Variants in PHRF1 observed in about 807,000 individuals in gnomAD.
The protein encoded by PHRF1 is PHD and RING finger domain-containing protein 1.
In PHRF1, 53 loss-of-function variants were observed where a neutral mutation model predicts 128.9. That is an observed-to-expected ratio of 0.41 (90% confidence interval 0.33 to 0.52). PHRF1 has a LOEUF of 0.52. Ranked by LOEUF, PHRF1 falls within the 20% of genes least tolerant of loss-of-function variation. The pLI is 0.21. For synonymous variants in PHRF1, 1,178 were observed against 980.6 expected (o/e 1.20, Z -3.76); for missense variants, 2,503 against 2,284.5 (o/e 1.10, Z -1.95).
rs746405087 is a variant in PHRF1, at chr11:608,409, G to A, written c.2953G>A (p.Val985Met). The change falls in exon 14 of 18, where the codon GTG (valine) becomes ATG (methionine). Residue 985 changes from valine (V) to methionine (M), a missense_variant. Val to Met is a conservative substitution (Grantham distance 21). Coordinates refer to ENST00000264555, the MANE Select transcript of PHRF1 (RefSeq NM_001286581.2). ...GCTGCAGGCTGCCACCCACAGAGTC[G>A]TGGAGCTCAGGCCCCCTTCCCGGTC... ...DVLQAATHRV[V>M]ELRPPSRSRS... is the part of the protein sequence containing the mutation. 2.0e-5 allele frequency: 32 copies of A among 1,611,384 alleles called. No individual in the cohort carries two copies. The highest frequency in any genetic ancestry group is 2.4e-5 in the Non-Finnish European group (28 of 1,179,532).
In PHRF1 at chr11:608,933, G is replaced by A; in HGVS notation, c.3477G>A (p.Arg1159=). Residue 1159 remains arginine (R), a synonymous_variant, in exon 14 of 18, where the codon AGG becomes AGA. Coordinates refer to ENST00000264555, the MANE Select transcript of PHRF1 (RefSeq NM_001286581.2). ...KESVAWPRDR[R]KRRSRSPSSE... ...GTGTGGCGTGGCCCCGAGACCGGAG[G>A]AAGCGGAGGTCCCGGTCCCCAAGCT... 6.2e-7 allele frequency: 1 copy of A among 1,611,752 alleles called. No homozygotes were observed. Among genetic ancestry groups the A allele is most frequent in the Middle Eastern group, 1.7e-4 (1 of 6,056 alleles).
chr11:578,410 AG>A (rs1163994393), intron 1 of PHRF1, among the ~76,000 whole-genome samples: 2 of 152,226 alleles, frequency 1.3e-5, no homozygotes, highest in East Asian at 3.8e-4. Flanking sequence ...CAAAGGCCTC[AG>A]GACTTAGCCC....
intron 6 of PHRF1, among the ~76,000 whole-genome samples, chr11:593,598 G>T (rs375535832): frequency 4.6e-5 from 7 of 152,358 alleles, no homozygotes; most frequent in African/African-American, 1.7e-4. Context: ...TCACGCTGTT[G>T]TTGGTGCAGG....
intron 10 of PHRF1, among the ~76,000 whole-genome samples, chr11:603,729 GTTTTTTTTTTT>G (rs71022937): frequency 1.3e-5 from 1 of 78,228 alleles, no homozygotes; most frequent in East Asian, 4.0e-4. Flanking sequence ...ATTTAAGTTT[GTTTTTTTTTTT>G]TTTTTTTTTT....
intron 13 of PHRF1, 60 bp from the exon 14 acceptor site, chr11:607,006 C>T: frequency 6.6e-7 from 1 of 1,516,416 alleles, no homozygotes; most frequent in East Asian, 2.3e-5. Context: ...AAAAATTAAA[C>T]CACTGACATT....
rs112877118 is a variant in PHRF1, at chr11:607,356, G to A, written c.1900G>A (p.Gly634Ser). ...ACAGAGCCACAGCCCCTGGTTCAAC[G>A]GCACCAACAAGCACACCTTGCCCCT... is the stretch of plus-strand genomic sequence containing the variant. ...FRQSHSPWFNGTNKHTLPLAS... is the reference protein window; with the variant it reads ...FRQSHSPWFNSTNKHTLPLAS... The change falls in exon 14 of 18, where the codon GGC becomes AGC. Residue 634 changes from glycine (G) to serine (S), a missense_variant. Gly to Ser is a moderately conservative substitution (Grantham distance 56). Transcript: ENST00000264555. 2,995 of 1,612,760 alleles carry A rather than the reference G, an allele frequency of 1.9e-3. 49 individuals are homozygous for A. The African/African-American group carries it at 0.034, about 18-fold the overall frequency.
chr11:610,361 C>CT lies in PHRF1; in HGVS notation c.4416+15dup. The CT allele has an allele frequency of 6.4e-7, 1 of 1,551,810 alleles. No homozygotes were observed. Among genetic ancestry groups the CT allele is most frequent in the Non-Finnish European group, 8.7e-7 (1 of 1,147,102 alleles). ...GACCCCTCTCAGGTGGGTGTCTGGG[C>CT]TGGAGGGCTGTGGGCCGTGGGCAGT... On this transcript the variant is annotated intron_variant, in intron 15 of 17. Transcript: ENST00000264555.
At position 587,288 on chromosome 11, in the gene PHRF1, A is replaced by G. The variant is rs371808557; in HGVS notation, c.244A>G (p.Thr82Ala). The change falls in exon 4 of 18, where the codon ACA becomes GCA. Residue 82 changes from threonine to alanine, a missense_variant. Transcript: ENST00000264555. Reference sequence around the variant, plus strand: ...CGAGGATTCTGAAGACGACGGGGAGACATTGCTGGAGGTAGCGGGTACTCA... The same window carrying G: ...CGAGGATTCTGAAGACGACGGGGAGGCATTGCTGGAGGTAGCGGGTACTCA... ...GSEDSEDDGE[T>A]LLEVAGTQGK... 3 of 1,613,368 alleles carry G rather than the reference A, an allele frequency of 1.9e-6. No homozygotes were observed. Among genetic ancestry groups the G allele is most frequent in the African/African-American group, 2.7e-5 (2 of 74,890 alleles).
intron 5 of PHRF1, among the ~76,000 whole-genome samples, chr11:592,358 C>T (rs1855023164): frequency 6.6e-6 from 1 of 152,152 alleles, no homozygotes; most frequent in Admixed American, 6.6e-5. Flanking sequence ...CTGTTGAATA[C>T]TTTCCTCTTA....
chr11:583,069 G>A (rs536801824), intron 3 of PHRF1, among the ~76,000 whole-genome samples: 52 of 151,374 alleles, frequency 3.4e-4, no homozygotes, highest in African/African-American at 9.0e-4. Context: ...GTCTGGGCGC[G>A]GTGGCTCACG....
chr11:610,840 C>T lies in PHRF1; in HGVS notation c.4677+79C>T, dbSNP rs149868322. On this transcript the variant is annotated intron_variant, in intron 16 of 17. Coordinates refer to ENST00000264555, the MANE Select transcript of PHRF1 (RefSeq NM_001286581.2). The stretch of plus-strand genomic sequence containing the variant: ...AAGTTGTTGGGGCTGAGTTTATGGG[C>T]GGAAGCTGGTCGCTGTGCCTCTGGA... 1,902 of 1,581,952 alleles carry T rather than the reference C, an allele frequency of 1.2e-3. 19 individuals carry two copies. The African/African-American group carries it at 0.023, about 19-fold the overall frequency.
At chr11:583,399 C>A (rs1854337842) in intron 3 of PHRF1, among the ~76,000 whole-genome samples, 1 of 151,846 alleles carries the variant, frequency 6.6e-6, no homozygotes, top group Non-Finnish European at 1.5e-5. Flanking sequence ...TGCCTGTAAT[C>A]CCCACTACTC....
chr11:605,493 G>A (rs1157256028), intron 11 of PHRF1, 112 bp from the exon 12 acceptor site: 9 of 1,519,178 alleles, frequency 5.9e-6, no homozygotes, highest in African/African-American at 5.5e-5. Context: ...CGAATCACAC[G>A]TGCCGCCACA....
At chr11:577,330 C>T (rs530606590) in intron 1 of PHRF1, among the ~76,000 whole-genome samples, 38 of 152,340 alleles carry the variant, frequency 2.5e-4, no homozygotes, top group African/African-American at 9.1e-4. Flanking sequence ...GCCCCTTCTT[C>T]GGAGTTTATG....
intron 16 of PHRF1, 91 bp downstream of exon 16, chr11:610,852 G>A (rs575409704): frequency 3.8e-5 from 60 of 1,581,712 alleles, no homozygotes; most frequent in Middle Eastern, 1.7e-4. Context: ...GAAGCTGGTC[G>A]CTGTGCCTCT....
At chr11:583,382 T>A (rs186582196) in intron 3 of PHRF1, among the ~76,000 whole-genome samples, 152 of 150,030 alleles carry the variant, frequency 1.0e-3, no homozygotes, top group African/African-American at 3.7e-3. Flanking sequence ...CCGGGCGTGG[T>A]GGTGCGTGCC....
chr11:584,890 A>C (rs1854436171), intron 3 of PHRF1, among the ~76,000 whole-genome samples: 1 of 151,750 alleles, frequency 6.6e-6, no homozygotes, highest in South Asian at 2.1e-4. Flanking sequence ...GGCGCGCACC[A>C]CCATGCCTGG....
chr11:586,346 C>A (rs1564841900), intron 3 of PHRF1, among the ~76,000 whole-genome samples: 1 of 152,236 alleles, frequency 6.6e-6, no homozygotes, highest in African/African-American at 2.4e-5. Context: ...TCTTCTGCTG[C>A]CTCCCTCGCA....
intron 3 of PHRF1, 57 bp downstream of exon 3, chr11:582,138 A>G: frequency 1.9e-6 from 3 of 1,549,308 alleles, no homozygotes; most frequent in South Asian, 1.2e-5. Context: ...TGATGGGGAC[A>G]GCCTTTTATA....
Sources: allele counts gnomAD v4.1 joint callset (sites outside exome capture counted in the v4.1 genomes callset), GRCh38; gene constraint gnomAD v4.1.1; transcripts MANE v1.5; gene names NCBI Gene and HGNC (gene_info 2026-07-23, HGNC 2026-07-21).